The following SSBP3 variants were observed in gnomAD, a reference collection of about 807,000 sequenced individuals.
SSBP3 encodes single stranded DNA binding protein 3.
A neutral mutation model predicts 69.6 loss-of-function variants in SSBP3; 5 were observed. The observed-to-expected ratio is 0.07, with a 90% CI of 0.04 to 0.15. SSBP3 has a LOEUF of 0.15. Ranked by LOEUF, SSBP3 falls within the 10% of genes least tolerant of loss-of-function variation. SSBP3 has a pLI of 1.00. For missense variants in SSBP3, 312 were observed against 534.0 expected (o/e 0.58, Z 4.10); for synonymous variants, 196 against 193.4 (o/e 1.01, Z -0.11).
chr1:54,321,374 G>C (rs1263760019), intron 4 of SSBP3, among the ~76,000 whole-genome samples: 2 of 152,264 alleles, frequency 1.3e-5, no homozygotes, highest in East Asian at 3.8e-4. Context: ...CTTGAGTGGG[G>C]CTGTCATTTG....
At chr1:54,294,972 G>T (rs1001349894) in intron 4 of SSBP3, among the ~76,000 whole-genome samples, 10 of 152,088 alleles carry the variant, frequency 6.6e-5, no homozygotes, top group Non-Finnish European at 1.3e-4. Flanking sequence ...CCAAACTAGG[G>T]ACTGTCCCTT....
chr1:54,386,738 T>C (rs1446482052), intron 4 of SSBP3, among the ~76,000 whole-genome samples: 5 of 144,996 alleles, frequency 3.4e-5, no homozygotes, highest in Non-Finnish European at 6.0e-5. Flanking sequence ...GTCACAGGCA[T>C]GATCATAGCT....
intron 1 of SSBP3, among the ~76,000 whole-genome samples, 174 bp from the exon 2 acceptor site, chr1:54,405,104 G>A (rs1436988547): frequency 2.6e-5 from 4 of 152,160 alleles, no homozygotes; most frequent in African/African-American, 9.7e-5. Flanking sequence ...GAACAGTTAG[G>A]GGGTGGGGAC....
intron 4 of SSBP3, among the ~76,000 whole-genome samples, chr1:54,305,229 G>C (rs539014566): frequency 7.9e-5 from 12 of 152,318 alleles, no homozygotes; most frequent in African/African-American, 2.2e-4. Context: ...GAGGAATAAA[G>C]ACATTCAGTA....
At chr1:54,243,369 A>G (rs1249658221) in intron 9 of SSBP3, 70 bp from the exon 10 acceptor site, 22 of 1,535,734 alleles carry the variant, frequency 1.4e-5, no homozygotes, top group South Asian at 5.6e-5. Flanking sequence ...AGGAGAAACA[A>G]ACAGACAAAA....
chr1:54,350,396 A>G (rs1386648521), intron 4 of SSBP3, among the ~76,000 whole-genome samples: 10 of 152,246 alleles, frequency 6.6e-5, no homozygotes, highest in African/African-American at 2.4e-4. Context: ...TGGAAGAGGT[A>G]CAAGCTAGAA....
At chr1:54,325,249 C>T (rs1646280227) in intron 4 of SSBP3, 1 of 161,800 alleles carries the variant, frequency 6.2e-6, no homozygotes, top group Admixed American at 6.5e-5. Flanking sequence ...TCTGCCCACT[C>T]CTCTAAATCC....
intron 5 of SSBP3, among the ~76,000 whole-genome samples, chr1:54,280,068 C>A (rs1423726380): frequency 1.3e-5 from 2 of 152,148 alleles, no homozygotes; most frequent in African/African-American, 2.4e-5. Context: ...ATCCAATGCC[C>A]CGGATGGCCA....
chr1:54,225,560 A>C (rs867479695), exon 18 of SSBP3: 1 of 615,608 alleles, frequency 1.6e-6, no homozygotes, highest in Admixed American at 4.4e-5. Flanking sequence ...AAAAACACAG[A>C]AACAGCTACA....
chr1:54,280,945 A>C (rs1645381042), intron 5 of SSBP3, among the ~76,000 whole-genome samples: 1 of 152,146 alleles, frequency 6.6e-6, no homozygotes, highest in South Asian at 2.1e-4. Flanking sequence ...AACCAGAGGG[A>C]AAGGATTCTG....
At chr1:54,362,014 C>CT (rs1265101262) in intron 4 of SSBP3, among the ~76,000 whole-genome samples, 3 of 152,192 alleles carry the variant, frequency 2.0e-5, no homozygotes, top group Non-Finnish European at 2.9e-5. Flanking sequence ...TATTAAAGAC[C>CT]TGGCAAAGAT....
chr1:54,368,054 C>A (rs1389475114), intron 4 of SSBP3, among the ~76,000 whole-genome samples: 1 of 152,074 alleles, frequency 6.6e-6, no homozygotes, highest in Non-Finnish European at 1.5e-5. Flanking sequence ...GTAATCCCAA[C>A]ACTTTGGGAG....
exon 9 of SSBP3, chr1:54,251,672 A>G (rs920725065): frequency 5.8e-6 from 9 of 1,554,832 alleles, no homozygotes; most frequent in Non-Finnish European, 7.0e-6. Flanking sequence ...CTCTGCATTG[A>G]TCCTCCCATG....
chr1:54,408,157 G>A (rs1419253388), upstream of SSBP3, among the ~76,000 whole-genome samples: 1 of 152,124 alleles, frequency 6.6e-6, no homozygotes, highest in East Asian at 1.9e-4. Flanking sequence ...ACAGGGGAAA[G>A]GGGCAGAAAA....
Position 54,299,888 on chromosome 1 carries a change from C to G in SSBP3, c.277-18361G>C, listed in dbSNP as rs1233494547. 3.3e-5 allele frequency among the ~76,000 whole-genome samples: 5 copies of G among 152,204 alleles called. 1 individual carries two copies. The highest frequency in any genetic ancestry group is 7.3e-5 in the Non-Finnish European group (5 of 68,038). ...CTCAGCCGAGGCCTTCAGGACCTGGCCTGAACCAACCCTCATTCCCAGCTC... is the reference window on the plus strand; with the variant it reads ...CTCAGCCGAGGCCTTCAGGACCTGGGCTGAACCAACCCTCATTCCCAGCTC... On this transcript the variant is annotated intron_variant, in intron 4 of 17. Coordinates refer to ENST00000610401, the Ensembl canonical transcript of SSBP3.
intron 1 of SSBP3, among the ~76,000 whole-genome samples, chr1:54,405,137 G>T (rs375794956): frequency 1.3e-5 from 2 of 152,254 alleles, no homozygotes; most frequent in South Asian, 2.1e-4. Flanking sequence ...TACCTCAAGC[G>T]GTGAGGGATG....
chr1:54,327,677 C>T (rs1428473179), intron 4 of SSBP3, among the ~76,000 whole-genome samples: 1 of 152,156 alleles, frequency 6.6e-6, no homozygotes, highest in Non-Finnish European at 1.5e-5. Flanking sequence ...TTCTACTTTT[C>T]TGAGTCATAA....
intron 4 of SSBP3, among the ~76,000 whole-genome samples, chr1:54,360,439 ACT>A (rs763824334): frequency 6.6e-6 from 1 of 152,128 alleles, no homozygotes; most frequent in Non-Finnish European, 1.5e-5. Context: ...CAATCACTTC[ACT>A]CTCTAAAACA....
intron 4 of SSBP3, among the ~76,000 whole-genome samples, chr1:54,351,837 G>A (rs1646785000): frequency 6.6e-6 from 1 of 152,258 alleles, no homozygotes; most frequent in East Asian, 1.9e-4. Flanking sequence ...AAGGACTCCT[G>A]ACTCGATCTG....
Sources: gnomAD v4.1 joint callset for allele counts (sites outside exome capture counted in the v4.1 genomes callset) on GRCh38, gnomAD v4.1.1 for gene constraint, MANE v1.5 for transcripts, NCBI Gene and HGNC (gene_info 2026-07-23, HGNC 2026-07-21) for gene names.